EPN2: variants seen among roughly 807,000 people sequenced by gnomAD.
EPN2 encodes epsin 2.
Under a neutral mutation model 61.7 loss-of-function variants are expected in EPN2, and 34 were observed. That is an observed-to-expected ratio of 0.55 (90% CI 0.42 to 0.73). EPN2 has a LOEUF of 0.73. Ranked by LOEUF, EPN2 falls within the 30% of genes least tolerant of loss-of-function variation. The probability of loss-of-function intolerance (pLI) is 0.00; values close to 1 mark genes in which losing one functional copy is unlikely to be tolerated. For synonymous variants in EPN2, 349 were observed against 353.6 expected, an observed-to-expected ratio of 0.99 and a Z score of 0.15; for missense variants, 714 against 839.2, an observed-to-expected ratio of 0.85 and a Z score of 1.84.
intron 1 of EPN2, among the ~76,000 whole-genome samples, chr17:19,261,281 C>A (rs1567845815): frequency 6.6e-6 from 1 of 152,338 alleles, no homozygotes; most frequent in African/African-American, 2.4e-5. Flanking sequence ...GCTTGGAGTT[C>A]TGCCAGCCTG....
At chr17:19,302,044 C>T (rs1905549917) in intron 4 of EPN2, among the ~76,000 whole-genome samples, 1 of 152,236 alleles carries the variant, frequency 6.6e-6, no homozygotes, top group Admixed American at 6.5e-5. Context: ...CCTCTCTGGG[C>T]CCCGGTGTCC....
chr17:19,252,110 G>T (rs2045022038), intron 1 of EPN2, among the ~76,000 whole-genome samples: 1 of 152,068 alleles, frequency 6.6e-6, no homozygotes, highest in South Asian at 2.1e-4. Context: ...GAACATTTTG[G>T]ATTTTGGATT....
At chr17:19,326,367 A>AT (rs1906865532) in intron 7 of EPN2, among the ~76,000 whole-genome samples, 1 of 152,212 alleles carries the variant, frequency 6.6e-6, no homozygotes, top group South Asian at 2.1e-4. Flanking sequence ...AAGAATTCTC[A>AT]TAACACTGTT....
chr17:19,332,210 G>A (rs1907192675), intron 10 of EPN2, 142 bp downstream of exon 10: 16 of 666,134 alleles, frequency 2.4e-5, no homozygotes, highest in Non-Finnish European at 3.6e-5. Context: ...GTATGCCCTC[G>A]CCAGTGCTGC....
chr17:19,326,644 G>A (rs1311212844), intron 7 of EPN2, among the ~76,000 whole-genome samples: 4 of 129,570 alleles, frequency 3.1e-5, no homozygotes, highest in Admixed American at 9.4e-5. Flanking sequence ...CGATGATTGC[G>A]CCACTGCACT....
intron 4 of EPN2, among the ~76,000 whole-genome samples, chr17:19,305,213 C>CT (rs1905777125): frequency 6.6e-6 from 1 of 151,362 alleles, no homozygotes; most frequent in Non-Finnish European, 1.5e-5. Context: ...CCTCCACCTG[C>CT]TTAGTTCAAG....
intron 1 of EPN2, among the ~76,000 whole-genome samples, chr17:19,267,790 C>T (rs980822411): frequency 1.3e-5 from 2 of 152,164 alleles, no homozygotes; most frequent in African/African-American, 4.8e-5. Flanking sequence ...ATCCACCCAC[C>T]TCAGCCTCCC....
chr17:19,284,880 C>T (rs1007400554), intron 3 of EPN2, among the ~76,000 whole-genome samples: 1 of 152,192 alleles, frequency 6.6e-6, no homozygotes, highest in Non-Finnish European at 1.5e-5. Context: ...ATATTCTTGT[C>T]CCATATGTAG....
At chr17:19,274,067 C>T (rs1306040838) in intron 1 of EPN2, 1 of 152,232 alleles carries the variant, frequency 6.6e-6, no homozygotes, top group Admixed American at 6.5e-5. Flanking sequence ...GGAGATGTTT[C>T]CTCACTCGTG....
intron 1 of EPN2, among the ~76,000 whole-genome samples, chr17:19,246,761 G>A (rs1245797664): frequency 7.3e-6 from 1 of 137,264 alleles, no homozygotes; most frequent in African/African-American, 2.7e-5. Flanking sequence ...AGTCCTCCCT[G>A]TGTGCCTTTT....
chr17:19,254,081 A>G (rs2152204100), intron 1 of EPN2, among the ~76,000 whole-genome samples: 1 of 150,238 alleles, frequency 6.7e-6, no homozygotes, highest in South Asian at 2.2e-4. Flanking sequence ...GCAGTGAGCC[A>G]TGATCACGCC....
chr17:19,296,164 A>T (rs575170615), intron 4 of EPN2, among the ~76,000 whole-genome samples: 1 of 150,666 alleles, frequency 6.6e-6, no homozygotes, highest in East Asian at 1.9e-4. Context: ...TTTTTTTTTT[A>T]AACTGGGACA....
intron 1 of EPN2, among the ~76,000 whole-genome samples, chr17:19,267,950 A>G (rs1230411335): frequency 6.6e-6 from 1 of 152,206 alleles, no homozygotes; most frequent in African/African-American, 2.4e-5. Flanking sequence ...AGAGATGGCA[A>G]AAATCTTGAA....
chr17:19,334,059 A>C lies in EPN2; in HGVS notation c.1731A>C (p.Thr577=), dbSNP rs1442136749. ...LRGSPVLGTS[T]SFGPGPGVES... ...GGAGCCCAGTCCTGGGGACCAGCAC[A>C]TCCTTTGGGCCTGGCCCAGGAGTGG... is the stretch of plus-strand genomic sequence containing the variant. Residue 577 remains threonine (T), a synonymous_variant, in exon 11 of 11, where the codon ACA becomes ACC. Coordinates refer to ENST00000314728, the MANE Select transcript of EPN2 (RefSeq NM_014964.5). This position sits in a 1 kb window ranked among gnomAD's most constrained non-coding sequence, Gnocchi z 4.9. The C allele has an allele frequency of 4.3e-6, 7 of 1,609,546 alleles. No homozygotes were observed. The highest frequency in any genetic ancestry group is 1.3e-5 in the African/African-American group (1 of 74,880).
chr17:19,286,981 C>G (rs1353646991), intron 4 of EPN2, among the ~76,000 whole-genome samples: 2 of 152,134 alleles, frequency 1.3e-5, no homozygotes, highest in African/African-American at 4.8e-5. Context: ...CCATGGAGTT[C>G]CCTTTTTGTT....
chr17:19,308,518 G>A (rs1905963285), intron 4 of EPN2: 1 of 985,348 alleles, frequency 1.0e-6, no homozygotes, highest in East Asian at 1.1e-4. Context: ...AGTGCTACAA[G>A]GGAGAGGTGC....
intron 1 of EPN2, among the ~76,000 whole-genome samples, chr17:19,269,556 G>A (rs1177852964): frequency 6.6e-6 from 1 of 152,224 alleles, no homozygotes; most frequent in Non-Finnish European, 1.5e-5. Context: ...TAGAGTCTCT[G>A]TGTTGTTATT....
chr17:19,328,685 T>A, intron 7 of EPN2, 26 bp from the exon 8 acceptor site: 2 of 1,579,446 alleles, frequency 1.3e-6, no homozygotes, highest in South Asian at 1.2e-5. Context: ...AAGGCATTTC[T>A]GAGCCCTGAC....
chr17:19,282,850 C>T (rs2045371253), intron 2 of EPN2, 100 bp from the exon 3 acceptor site: 1 of 395,170 alleles, frequency 2.5e-6, no homozygotes, highest in Non-Finnish European at 4.6e-6. Context: ...GGTATGTCCA[C>T]TCAGCTCCCC....
Sources: gnomAD v4.1 joint callset for allele counts (sites outside exome capture counted in the v4.1 genomes callset) on GRCh38, gnomAD v4.1.1 for gene constraint, Gnocchi (gnomAD v3.1) non-coding constraint, MANE v1.5 for transcripts, NCBI Gene and HGNC (gene_info 2026-07-23, HGNC 2026-07-21) for gene names.